The following RARB variants were observed in gnomAD, a reference collection of about 807,000 sequenced individuals.
RARB encodes retinoic acid receptor beta, also known as HBV-activated protein.
RARB carries 17 observed loss-of-function variants against 51.9 expected under a neutral mutation model. The observed-to-expected ratio is 0.33, with a 90% CI of 0.22 to 0.49. The LOEUF (loss-of-function observed/expected upper bound fraction) is 0.49. Ranked by LOEUF, RARB falls within the 20% of genes least tolerant of loss-of-function variation. The pLI, the probability that RARB is intolerant of heterozygous loss-of-function variation, is 0.99. For synonymous variants in RARB, 215 were observed against 195.4 expected (o/e 1.10, Z -0.84); for missense variants, 369 against 550.8 (o/e 0.67, Z 3.30).
chr3:24,862,689 G>A (rs1702774645), intron 2 of RARB, among the ~76,000 whole-genome samples: 1 of 152,130 alleles, frequency 6.6e-6, no homozygotes, highest in Non-Finnish European at 1.5e-5. Context: ...ACAGTTTCAA[G>A]TATCCACTGG....
chr3:24,920,768 G>A (rs1695201470), intron 2 of RARB, among the ~76,000 whole-genome samples: 1 of 152,156 alleles, frequency 6.6e-6, no homozygotes, highest in South Asian at 2.1e-4. Flanking sequence ...AGCCAACTTT[G>A]TCTGTGGTTC....
intron 5 of RARB, among the ~76,000 whole-genome samples, chr3:25,189,325 C>T (rs541020060): frequency 1.3e-5 from 2 of 152,196 alleles, no homozygotes; most frequent in East Asian, 3.9e-4. Flanking sequence ...ATCTTCATAG[C>T]CTTCGGGCAA....
At chr3:25,222,259 T>C (rs1654433820) in intron 5 of RARB, among the ~76,000 whole-genome samples, 2 of 152,152 alleles carry the variant, frequency 1.3e-5, no homozygotes, top group Admixed American at 1.3e-4. Context: ...TATCTCCTTC[T>C]TACTATTTAA....
chr3:25,376,988 T>A (rs979228890), intron 5 of RARB, among the ~76,000 whole-genome samples: 27 of 152,196 alleles, frequency 1.8e-4, no homozygotes, highest in African/African-American at 6.5e-4. Flanking sequence ...ACAAATGCTT[T>A]GTTTTTCTTC....
intron 3 of RARB, among the ~76,000 whole-genome samples, chr3:25,126,442 CT>C (rs35016301): frequency 0.017 from 2,538 of 145,172 alleles, 49 homozygotes; most frequent in African/African-American, 0.053. Context: ...AAAACAATCT[CT>C]TTTTTTTTTT....
chr3:25,015,151 A>C (rs1697481648), intron 2 of RARB, among the ~76,000 whole-genome samples: 1 of 152,156 alleles, frequency 6.6e-6, no homozygotes, highest in Non-Finnish European at 1.5e-5. Context: ...TGAAGAATTG[A>C]GGTTCTGTAG....
intron 2 of RARB, among the ~76,000 whole-genome samples, chr3:25,040,607 C>CCT (rs903821301): frequency 1.3e-5 from 2 of 152,052 alleles, no homozygotes; most frequent in African/African-American, 4.8e-5. Flanking sequence ...GTGGTGCATG[C>CCT]CTATTGTCCT....
chr3:25,112,606 G>A (rs994496620), intron 3 of RARB, among the ~76,000 whole-genome samples: 5 of 151,878 alleles, frequency 3.3e-5, no homozygotes, highest in South Asian at 2.1e-4. Flanking sequence ...GGGAGACCTC[G>A]TCTCTACAAA....
intron 4 of RARB, among the ~76,000 whole-genome samples, chr3:25,163,310 C>T (rs1700502843): frequency 1.3e-5 from 2 of 151,808 alleles, no homozygotes; most frequent in African/African-American, 4.8e-5. Context: ...TTGAGACCAG[C>T]CTGGGCAACA....
chr3:24,965,607 C>T (rs1696237916), intron 2 of RARB, among the ~76,000 whole-genome samples: 1 of 152,144 alleles, frequency 6.6e-6, no homozygotes, highest in South Asian at 2.1e-4. Flanking sequence ...CACCAAGTTA[C>T]TCCTCTGTCC....
intron 2 of RARB, among the ~76,000 whole-genome samples, chr3:25,466,307 C>T (rs987848255): frequency 6.6e-6 from 1 of 152,174 alleles, no homozygotes; most frequent in African/African-American, 2.4e-5. Context: ...CCTGCCTCAG[C>T]CTCCCGAGTA....
Position 25,428,376 on chromosome 3 carries a change from GC to G in RARB, c.-355del. The G allele has an allele frequency of 8.0e-7, 1 of 1,248,076 alleles. No individual in the cohort carries two copies. The highest frequency in any genetic ancestry group is 1.0e-6 in the Non-Finnish European group (1 of 997,500). 77.3% of individuals were successfully genotyped at this position (1,248,076 alleles called of 1,614,324 possible). On this transcript the variant is annotated 5_prime_UTR_variant, in exon 1 of 8. The change abolishes the stop of an existing upstream ORF in the 5' untranslated region. Coordinates refer to ENST00000330688, the MANE Select transcript of RARB (RefSeq NM_000965.5). The stretch of plus-strand genomic sequence containing the variant: ...GTTTGAGGACTGGGATGCCGAGAAC[GC>G]GAGCGATCCGAGCAGGGTTTGTCTG...
chr3:25,318,869 C>G (rs899566199), intron 5 of RARB, among the ~76,000 whole-genome samples: 1 of 152,084 alleles, frequency 6.6e-6, no homozygotes, highest in African/African-American at 2.4e-5. Context: ...CAGACAATAT[C>G]CTTAATGTCC....
At chr3:24,849,880 T>C (rs1702535059) in intron 1 of RARB, among the ~76,000 whole-genome samples, 1 of 152,230 alleles carries the variant, frequency 6.6e-6, no homozygotes, top group African/African-American at 2.4e-5. Flanking sequence ...TAAGAATAAC[T>C]TCTCAGTTTT....
chr3:25,572,805 C>T (rs1282156148), intron 4 of RARB, among the ~76,000 whole-genome samples: 1 of 152,086 alleles, frequency 6.6e-6, no homozygotes, highest in Non-Finnish European at 1.5e-5. Flanking sequence ...ACATCAGGGT[C>T]CCCCTCCGCC....
chr3:24,974,644 T>C (rs1696471893), intron 2 of RARB, among the ~76,000 whole-genome samples: 1 of 152,106 alleles, frequency 6.6e-6, no homozygotes, highest in Non-Finnish European at 1.5e-5. Flanking sequence ...AGGCTCCTAA[T>C]ATAGTAAATC....
chr3:25,127,632 G>C (rs1451715437), intron 3 of RARB, among the ~76,000 whole-genome samples: 2 of 152,014 alleles, frequency 1.3e-5, no homozygotes, highest in Non-Finnish European at 2.9e-5. Flanking sequence ...GGGGAGGAGA[G>C]TGATGGGGAA....
intron 3 of RARB, among the ~76,000 whole-genome samples, chr3:25,517,189 A>G (rs1258586712): frequency 6.6e-6 from 1 of 152,218 alleles, no homozygotes; most frequent in Non-Finnish European, 1.5e-5. Flanking sequence ...AGCAAATATT[A>G]GGAAACCCTC....
At position 24,990,069 on chromosome 3, in the gene RARB, G is replaced by A. The variant is rs556214001; in HGVS notation, c.-379-70056G>A. Among the ~76,000 whole-genome samples the A allele has an allele frequency of 7.0e-4, 73 of 104,352 alleles. 19 individuals carry two copies. Among genetic ancestry groups the A allele is most frequent in the Non-Finnish European group, 1.2e-3 (65 of 52,272 alleles). 68.5% of individuals were successfully genotyped at this position (104,352 alleles called of 152,430 possible). On this transcript the variant is annotated intron_variant, in intron 2 of 11. Transcript: ENST00000383772. The stretch of plus-strand genomic sequence containing the variant: ...CCGCCTCGGCCTCCCAAAGTCCTGG[G>A]ATTACAGGCGTGAGCCACCGCGCCC...
Sources: allele counts gnomAD v4.1 joint callset (sites outside exome capture counted in the v4.1 genomes callset), GRCh38; gene constraint gnomAD v4.1.1; transcripts MANE v1.5; gene names NCBI Gene and HGNC (gene_info 2026-07-23, HGNC 2026-07-21).